Variants in LRP2 observed in about 807,000 individuals in gnomAD.
LRP2 encodes the protein LDL receptor related protein 2.
Under a neutral mutation model 531.0 loss-of-function variants are expected in LRP2, and 172 were observed. The observed-to-expected ratio is 0.32, with a 90% CI of 0.29 to 0.37. The LOEUF (loss-of-function observed/expected upper bound fraction) is 0.37, where lower values mean the gene tolerates loss of function less well. LRP2 is among the 10% of genes least tolerant of loss of function. The pLI is 1.00. For missense variants in LRP2, 5,167 were observed against 5,868.3 expected (o/e 0.88, Z 3.90); for synonymous variants, 1,992 against 2,027.6 (o/e 0.98, Z 0.47).
chr2:169,312,127 G>C (rs1284701113), intron 3 of LRP2, among the ~76,000 whole-genome samples: 1 of 152,036 alleles, frequency 6.6e-6, no homozygotes, highest in African/African-American at 2.4e-5. Context: ...CCTGAATACA[G>C]CACACTGATG....
At chr2:169,284,493 C>T (rs1683798813) in intron 9 of LRP2, among the ~76,000 whole-genome samples, 1 of 152,008 alleles carries the variant, frequency 6.6e-6, no homozygotes, top group Admixed American at 6.6e-5. Flanking sequence ...TCTCAAACTC[C>T]TGATCTCAAG....
chr2:169,319,466 TATC>T (rs2105514283), intron 2 of LRP2, among the ~76,000 whole-genome samples: 1 of 152,336 alleles, frequency 6.6e-6, no homozygotes, highest in African/African-American at 2.4e-5. Context: ...TTGCTATCAC[TATC>T]GTCATTGATA....
At chr2:169,225,172 T>G (rs1689155944) in intron 33 of LRP2, 138 bp downstream of exon 33, 1 of 758,166 alleles carries the variant, frequency 1.3e-6, no homozygotes, top group Non-Finnish European at 2.1e-6. Context: ...GAGACTTTGA[T>G]AGTTAACACT....
chr2:169,233,569 G>A lies in LRP2; in HGVS notation c.4940C>T (p.Ala1647Val). Residue 1647 changes from alanine to valine, a missense_variant, in exon 30 of 79, where the codon GCC becomes GTC. Physicochemically the swap from Ala to Val is moderately conservative, Grantham distance 64. Around this residue, in one of 6 missense-constraint regions of LRP2, gnomAD observed 2,811 missense variants for 3,058.0 expected, o/e 0.92. Coordinates refer to ENST00000649046, the MANE Select transcript of LRP2 (RefSeq NM_004525.3). Reference sequence around the variant, plus strand: ...CACAGAGTCTTCAAAGAGAGTTAGGGCATAGGGGTGCCGTATAATCTGTGA... The same window carrying A: ...CACAGAGTCTTCAAAGAGAGTTAGGACATAGGGGTGCCGTATAATCTGTGA... ...ASDLIIRHPY[A>V]LTLFEDSVYW... 2 of 1,614,160 alleles carry A rather than the reference G, an allele frequency of 1.2e-6. No individual in the cohort carries two copies. The highest frequency in any genetic ancestry group is 1.7e-6 in the Non-Finnish European group (2 of 1,180,028).
intron 68 of LRP2, among the ~76,000 whole-genome samples, chr2:169,148,768 C>G (rs563214559): frequency 7.9e-5 from 12 of 152,286 alleles, no homozygotes. Flanking sequence ...TCCATGACTT[C>G]GTTTATGCTA....
intron 49 of LRP2, among the ~76,000 whole-genome samples, chr2:169,186,758 A>T (rs1027458523): frequency 6.6e-6 from 1 of 152,208 alleles, no homozygotes; most frequent in Admixed American, 6.5e-5. Context: ...GTAAGAGTGA[A>T]TGTTTCATAG....
chr2:169,219,822 T>A (rs187553181), intron 34 of LRP2, among the ~76,000 whole-genome samples: 4,653 of 151,900 alleles, frequency 0.031, 79 homozygotes, highest in East Asian at 0.043. Context: ...TGAAATTTTT[T>A]AAAAAAAATC....
intron 6 of LRP2, among the ~76,000 whole-genome samples, chr2:169,293,689 G>A (rs1462420117): frequency 6.6e-6 from 1 of 151,944 alleles, no homozygotes; most frequent in African/African-American, 2.4e-5. Flanking sequence ...AAAAGAAAAC[G>A]AAGAAAAAGA....
At chr2:169,231,292 T>A in intron 31 of LRP2, among the ~76,000 whole-genome samples, 2 of 122,532 alleles carry the variant, frequency 1.6e-5, no homozygotes, top group Admixed American at 9.5e-5. Context: ...AGACCCTGTC[T>A]CAGAAAGAAA....
chr2:169,138,466 GA>G (rs1685597309), intron 75 of LRP2, 110 bp downstream of exon 75: 1 of 1,188,084 alleles, frequency 8.4e-7, no homozygotes, highest in Non-Finnish European at 1.2e-6. Context: ...ACCTTATTCT[GA>G]GAGGCCTAAT....
chr2:169,209,228 C>T (rs1249579493), intron 38 of LRP2, among the ~76,000 whole-genome samples: 2 of 152,052 alleles, frequency 1.3e-5, no homozygotes, highest in African/African-American at 4.8e-5. Flanking sequence ...ATGTTAATAA[C>T]AGAAGAAAAT....
Position 169,177,797 on chromosome 2 carries a change from A to G in LRP2, c.10393+6T>C, listed in dbSNP as rs758184279. 6.2e-6 allele frequency: 10 copies of G among 1,613,384 alleles called. No individual in the cohort carries two copies. Among genetic ancestry groups the G allele is most frequent in the Non-Finnish European group, 8.5e-6 (10 of 1,179,400 alleles). On this transcript the variant is annotated splice_donor_region_variant and intron_variant, in intron 53 of 78. Coordinates refer to ENST00000649046, the MANE Select transcript of LRP2 (RefSeq NM_004525.3). ...ACCTTGCCAAACCCCTCAATCACCT[A>G]CTCACCAATGGGCTGCCTATATGGA...
At chr2:169,169,987 C>T (rs1037462362) in intron 59 of LRP2, among the ~76,000 whole-genome samples, 169 bp from the exon 60 acceptor site, 3 of 152,220 alleles carry the variant, frequency 2.0e-5, no homozygotes, top group African/African-American at 7.2e-5. Flanking sequence ...AAAACTCACA[C>T]TTTCCCCACT....
rs370502615 is a variant in LRP2, at chr2:169,257,303, C to A, written c.2514-54G>T. 6 of 1,582,416 alleles carry A rather than the reference C, an allele frequency of 3.8e-6. No individual in the cohort carries two copies. The African/African-American group carries it at 8.1e-5, about 21-fold the overall frequency. On this transcript the variant is annotated intron_variant, in intron 17 of 78. Coordinates refer to ENST00000649046, the MANE Select transcript of LRP2 (RefSeq NM_004525.3). ...GTTAACACTGGGACAAACTACATGA[C>A]TTCCAGAGATTTAGAACAAACAGAG...
chr2:169,183,533 G>A (rs945524622), intron 50 of LRP2, among the ~76,000 whole-genome samples: 15 of 152,118 alleles, frequency 9.9e-5, no homozygotes, highest in Non-Finnish European at 1.6e-4. Context: ...TATTCTTGTC[G>A]TATTAGTATT....
chr2:169,140,626 G>A, intron 71 of LRP2, 81 bp from the exon 72 acceptor site: 1 of 1,069,638 alleles, frequency 9.3e-7, no homozygotes. Context: ...GCCCAGGTTA[G>A]GGGTGGGAGG....
intron 9 of LRP2, among the ~76,000 whole-genome samples, chr2:169,284,229 C>CTCTTTTCTTT (rs1214533905): frequency 1.6e-4 from 21 of 134,512 alleles, no homozygotes; most frequent in African/African-American, 5.7e-4. Flanking sequence ...CAAGTTTCTT[C>CTCTTTTCTTT]TCTTTTCTTT....
intron 1 of LRP2, among the ~76,000 whole-genome samples, chr2:169,352,359 T>C (rs950882762): frequency 7.9e-5 from 12 of 152,176 alleles, no homozygotes; most frequent in African/African-American, 2.9e-4. Context: ...ACCCTCAGAC[T>C]TAAAAGAGTC....
chr2:169,211,933 G>T (rs201352291), intron 37 of LRP2, 35 bp downstream of exon 37: 2 of 1,613,382 alleles, frequency 1.2e-6, no homozygotes, highest in South Asian at 1.1e-5. Context: ...GGTGCCAGAT[G>T]AAGTCAAATC....
Sources: gnomAD v4.1 joint callset for allele counts (sites outside exome capture counted in the v4.1 genomes callset) on GRCh38, gnomAD v4.1.1 for gene constraint, gnomAD v4.1.1 regional missense constraint, MANE v1.5 for transcripts, NCBI Gene and HGNC (gene_info 2026-07-23, HGNC 2026-07-21) for gene names.